The following CADM2 variants were observed in gnomAD, a reference collection of about 807,000 sequenced individuals.
The protein encoded by CADM2 is immunoglobulin superfamily member 4D.
Under a neutral mutation model 49.8 loss-of-function variants are expected in CADM2, and 12 were observed. That is an observed-to-expected ratio of 0.24 (90% CI 0.15 to 0.39). CADM2 has a LOEUF of 0.39. Ranked by LOEUF, CADM2 falls within the 10% of genes least tolerant of loss-of-function variation. The pLI, the probability that CADM2 is intolerant of heterozygous loss-of-function variation, is 1.00. For synonymous variants in CADM2, 214 were observed against 175.4 expected, an observed-to-expected ratio of 1.22 and a Z score of -1.74; for missense variants, 378 against 492.3, an observed-to-expected ratio of 0.77 and a Z score of 2.20.
At chr3:85,248,893 T>C (rs1245758876) in intron 1 of CADM2, among the ~76,000 whole-genome samples, 1 of 152,176 alleles carries the variant, frequency 6.6e-6, no homozygotes, top group Non-Finnish European at 1.5e-5. Context: ...GTTCATTATT[T>C]CACAGTGAAG....
chr3:85,946,418 G>T (rs9714149), intron 7 of CADM2, among the ~76,000 whole-genome samples: 1,706 of 151,904 alleles, frequency 0.011, 36 homozygotes, highest in African/African-American at 0.037. Flanking sequence ...TCACAGAATT[G>T]GAAAAAACTA....
intron 1 of CADM2, among the ~76,000 whole-genome samples, chr3:85,093,893 C>T (rs1037328457): frequency 8.6e-5 from 13 of 151,930 alleles, no homozygotes; most frequent in Non-Finnish European, 1.6e-4. Flanking sequence ...GAGTCCATTC[C>T]TGTGGGATGG....
intron 1 of CADM2, among the ~76,000 whole-genome samples, chr3:84,983,479 C>T (rs1409573148): frequency 6.6e-6 from 1 of 151,666 alleles, no homozygotes. Flanking sequence ...ATTATAAATA[C>T]CACAGATACC....
intron 1 of CADM2, among the ~76,000 whole-genome samples, chr3:85,375,182 T>C (rs1417241917): frequency 6.6e-6 from 1 of 152,174 alleles, no homozygotes; most frequent in Non-Finnish European, 1.5e-5. Flanking sequence ...AACAGGTATA[T>C]TATCCACATT....
At chr3:85,830,667 G>T (rs1465674053) in intron 3 of CADM2, among the ~76,000 whole-genome samples, 1 of 151,698 alleles carries the variant, frequency 6.6e-6, no homozygotes, top group Non-Finnish European at 1.5e-5. Context: ...CATTAAAGTT[G>T]TTAATCCATT....
chr3:85,766,992 C>G (rs1420784136), intron 2 of CADM2, among the ~76,000 whole-genome samples: 1 of 152,104 alleles, frequency 6.6e-6, no homozygotes, highest in Non-Finnish European at 1.5e-5. Flanking sequence ...GGGTATGAAA[C>G]AACAAATTGA....
intron 1 of CADM2, among the ~76,000 whole-genome samples, chr3:85,282,387 G>A (rs1217236752): frequency 2.1e-5 from 3 of 145,670 alleles, no homozygotes; most frequent in Non-Finnish European, 3.0e-5. Context: ...ATAGCCTCCC[G>A]AGTAGCTGGG....
chr3:85,651,070 T>C (rs955992172), intron 1 of CADM2, among the ~76,000 whole-genome samples: 1 of 151,782 alleles, frequency 6.6e-6, no homozygotes, highest in Non-Finnish European at 1.5e-5. Flanking sequence ...CAATGAAATG[T>C]GAAACAATTT....
intron 8 of CADM2, among the ~76,000 whole-genome samples, chr3:86,011,355 A>G (rs1731487779): frequency 6.6e-6 from 1 of 152,132 alleles, no homozygotes; most frequent in African/African-American, 2.4e-5. Flanking sequence ...TATATAACTA[A>G]CCATTTTAAT....
At chr3:85,366,508 T>C (rs1285169187) in intron 1 of CADM2, among the ~76,000 whole-genome samples, 1 of 152,230 alleles carries the variant, frequency 6.6e-6, no homozygotes, top group Non-Finnish European at 1.5e-5. Flanking sequence ...TTATTTGTGG[T>C]AATTTTTCAT....
intron 1 of CADM2, among the ~76,000 whole-genome samples, chr3:85,019,458 G>C (rs1177343903): frequency 6.6e-6 from 1 of 152,140 alleles, no homozygotes; most frequent in Non-Finnish European, 1.5e-5. Context: ...ACTCTCACCT[G>C]GTTGACAGAG....
intron 1 of CADM2, among the ~76,000 whole-genome samples, chr3:85,481,713 C>T (rs146287849): frequency 1.9e-3 from 285 of 151,680 alleles, no homozygotes; most frequent in African/African-American, 6.7e-3. Context: ...CAGATTCTTT[C>T]AAGCATATTT....
At chr3:86,050,323 C>T (rs1737190919) in intron 8 of CADM2, among the ~76,000 whole-genome samples, 1 of 152,214 alleles carries the variant, frequency 6.6e-6, no homozygotes, top group African/African-American at 2.4e-5. Context: ...TCGAGCAGCT[C>T]CATTCCTGTG....
At chr3:85,414,609 GT>G (rs1285503452) in intron 1 of CADM2, among the ~76,000 whole-genome samples, 1 of 151,838 alleles carries the variant, frequency 6.6e-6, no homozygotes, top group Non-Finnish European at 1.5e-5. Flanking sequence ...CCCAGTTTCA[GT>G]TTTTTTCTGC....
At chr3:85,825,561 G>A (rs2073861680) in intron 3 of CADM2, among the ~76,000 whole-genome samples, 1 of 152,002 alleles carries the variant, frequency 6.6e-6, no homozygotes, top group Admixed American at 6.6e-5. Flanking sequence ...AAGACATAGT[G>A]TAGCCCATAT....
rs756785875 is a variant in CADM2, at chr3:85,958,601, A to G, written c.792-2868A>G. Reference sequence around the variant, plus strand: ...CTAATGTAAAGACACATGCACACATACGTTTATTGCAGCACTGTTTACAAT... The same window carrying G: ...CTAATGTAAAGACACATGCACACATGCGTTTATTGCAGCACTGTTTACAAT... On this transcript the variant is annotated intron_variant, in intron 7 of 9. Coordinates refer to ENST00000383699, the MANE Select transcript of CADM2 (RefSeq NM_001167675.2). 2.6e-5 allele frequency among the ~76,000 whole-genome samples: 4 copies of G among 151,966 alleles called. No individual in the cohort carries two copies. In the South Asian group the frequency reaches 8.3e-4, roughly 31 times the overall value.
intron 1 of CADM2, among the ~76,000 whole-genome samples, chr3:85,014,228 G>A (rs780137786): frequency 7.4e-5 from 11 of 148,884 alleles, no homozygotes; most frequent in East Asian, 2.0e-4. Context: ...TCATATATAC[G>A]CAGTGTAATA....
At chr3:85,224,859 T>C (rs1356900207) in intron 1 of CADM2, among the ~76,000 whole-genome samples, 1 of 152,102 alleles carries the variant, frequency 6.6e-6, no homozygotes. Context: ...TAAATAGGGA[T>C]CGTTTCCCCA....
rs1271850023 is a variant in CADM2, at chr3:85,785,414, T to C, written c.89-16633T>C. 2.6e-5 allele frequency among the ~76,000 whole-genome samples: 4 copies of C among 152,258 alleles called. No homozygotes were observed. The East Asian group carries it at 7.7e-4, about 29-fold the overall frequency. The stretch of plus-strand genomic sequence containing the variant: ...TGAGACTAATCTGTTATTGGAATTA[T>C]TAGAATAGCCTGAACCTCAGCAGAT... On this transcript the variant is annotated intron_variant, in intron 2 of 9. Coordinates refer to ENST00000383699, the MANE Select transcript of CADM2 (RefSeq NM_001167675.2).
Sources: allele counts gnomAD v4.1 joint callset (sites outside exome capture counted in the v4.1 genomes callset), GRCh38; gene constraint gnomAD v4.1.1; transcripts MANE v1.5; gene names NCBI Gene and HGNC (gene_info 2026-07-23, HGNC 2026-07-21).